The following FHIT variants were observed in gnomAD, a reference collection of about 807,000 sequenced individuals.
The protein encoded by FHIT is bis(5'-adenosyl)-triphosphatase.
A neutral mutation model predicts 17.9 loss-of-function variants in FHIT; 19 were observed. That is an observed-to-expected ratio of 1.06 (90% CI 0.74 to 1.56). The LOEUF is 1.56. Ranked by LOEUF, FHIT falls within the 40% of genes most tolerant of loss-of-function variation. FHIT has a pLI of 0.00. For synonymous variants in FHIT, 81 were observed against 69.7 expected, an observed-to-expected ratio of 1.16 and a Z score of -0.81; for missense variants, 248 against 189.2, an observed-to-expected ratio of 1.31 and a Z score of -1.82.
intron 5 of FHIT, among the ~76,000 whole-genome samples, chr3:60,123,575 T>C (rs115784186): frequency 0.031 from 4,653 of 152,232 alleles, 81 homozygotes; most frequent in Non-Finnish European, 0.041. Context: ...AAAATATCGT[T>C]GAAAGAGTAA....
intron 4 of FHIT, among the ~76,000 whole-genome samples, chr3:60,543,745 GTTGTT>G (rs912583026): frequency 7.3e-5 from 11 of 151,496 alleles, no homozygotes; most frequent in African/African-American, 2.4e-4. Flanking sequence ...CTTTTTTGTT[GTTGTT>G]TTGTTTTGTT....
chr3:61,209,769 A>C (rs1180075255), intron 1 of FHIT, among the ~76,000 whole-genome samples: 1 of 152,014 alleles, frequency 6.6e-6, no homozygotes, highest in African/African-American at 2.4e-5. Context: ...TTCCTCCTTT[A>C]GCTCGGAGTA....
At chr3:60,332,821 G>C (rs1183624146) in intron 5 of FHIT, among the ~76,000 whole-genome samples, 1 of 152,150 alleles carries the variant, frequency 6.6e-6, no homozygotes, top group East Asian at 1.9e-4. Flanking sequence ...CAGAAATCAA[G>C]TTAGGGACAT....
intron 5 of FHIT, among the ~76,000 whole-genome samples, chr3:60,123,987 T>TAGAGAGAGAGAGAG (rs1705388222): frequency 3.8e-5 from 2 of 52,244 alleles, no homozygotes; most frequent in Non-Finnish European, 7.3e-5. Flanking sequence ...TATATATATA[T>TAGAGAGAGAGAGAG]ATATATATAT....
In FHIT at chr3:60,581,699, A is replaced by G. The variant is rs554647445; in HGVS notation, c.-17-44720T>C. On this transcript the variant is annotated intron_variant, in intron 4 of 9. Transcript: ENST00000492590. Reference sequence around the variant, plus strand: ...TCTTTTATAAATTCATCCTATGTAAATGCATTTTTGACAGGTAAACTCAAA... The same window carrying G: ...TCTTTTATAAATTCATCCTATGTAAGTGCATTTTTGACAGGTAAACTCAAA... Among the ~76,000 whole-genome samples, 211 of 152,164 alleles carry G rather than the reference A, an allele frequency of 1.4e-3. 1 individual carries two copies. Among genetic ancestry groups the G allele is most frequent in the African/African-American group, 4.9e-3 (203 of 41,536 alleles).
intron 7 of FHIT, among the ~76,000 whole-genome samples, chr3:60,005,137 T>A (rs1222961634): frequency 6.6e-6 from 1 of 152,144 alleles, no homozygotes; most frequent in East Asian, 1.9e-4. Context: ...CTCACCCTCA[T>A]CCCTGCTTCA....
intron 3 of FHIT, among the ~76,000 whole-genome samples, chr3:60,892,283 G>T (rs1229446138): frequency 6.6e-6 from 1 of 152,008 alleles, no homozygotes; most frequent in Non-Finnish European, 1.5e-5. Context: ...AAGTAAGCAA[G>T]CCCATAGCCT....
intron 5 of FHIT, among the ~76,000 whole-genome samples, chr3:60,138,265 A>G (rs1368738666): frequency 6.6e-6 from 1 of 152,188 alleles, no homozygotes; most frequent in Non-Finnish European, 1.5e-5. Flanking sequence ...AAGCATCTGT[A>G]CACAACATGT....
At chr3:61,159,923 C>T (rs954550801) in intron 2 of FHIT, among the ~76,000 whole-genome samples, 28 of 152,242 alleles carry the variant, frequency 1.8e-4, no homozygotes, top group African/African-American at 6.7e-4. Context: ...CTGTGAGGAT[C>T]GGTACCTGAG....
chr3:60,156,585 T>C (rs1374197016), intron 5 of FHIT, among the ~76,000 whole-genome samples: 2 of 148,626 alleles, frequency 1.3e-5, no homozygotes, highest in Middle Eastern at 3.5e-3. Context: ...CTTGTCTCTA[T>C]AAAAATTTTT....
intron 7 of FHIT, among the ~76,000 whole-genome samples, chr3:59,951,309 T>C (rs989142069): frequency 1.1e-4 from 16 of 152,138 alleles, no homozygotes; most frequent in African/African-American, 3.6e-4. Context: ...CTTTATTGCC[T>C]CCACGACTTT....
Position 59,913,212 on chromosome 3 carries a change from G to T in FHIT, c.348+9134C>A, listed in dbSNP as rs1255325349. Among the ~76,000 whole-genome samples the T allele has an allele frequency of 5.3e-5, 8 of 151,914 alleles. No individual in the cohort carries two copies. The South Asian group carries it at 6.2e-4, about 12-fold the overall frequency. On this transcript the variant is annotated intron_variant, in intron 8 of 9. Coordinates refer to ENST00000492590, the MANE Select transcript of FHIT (RefSeq NM_002012.4). ...GTGTGTGTGTTGTGTGTCGTGTGTG[G>T]GTGTGTGTGTAAATGTCTCTAAGGT...
At chr3:60,914,106 G>C (rs1295503894) in intron 3 of FHIT, among the ~76,000 whole-genome samples, 2 of 152,206 alleles carry the variant, frequency 1.3e-5, no homozygotes, top group African/African-American at 2.4e-5. Flanking sequence ...AGCTACCACA[G>C]AGTATCTGTT....
chr3:59,757,033 T>A (rs1393722217), intron 8 of FHIT, among the ~76,000 whole-genome samples: 2 of 152,164 alleles, frequency 1.3e-5, no homozygotes, highest in Non-Finnish European at 2.9e-5. Context: ...GCACTATATT[T>A]CTCCATCTCT....
intron 5 of FHIT, among the ~76,000 whole-genome samples, chr3:60,390,909 G>C (rs1701204966): frequency 6.6e-6 from 1 of 152,186 alleles, no homozygotes; most frequent in African/African-American, 2.4e-5. Flanking sequence ...GCTGGGCACA[G>C]TGGCTCATGC....
At chr3:61,065,641 A>G (rs1357404739) in intron 2 of FHIT, among the ~76,000 whole-genome samples, 1 of 152,054 alleles carries the variant, frequency 6.6e-6, no homozygotes, top group East Asian at 1.9e-4. Context: ...ATCAGGGACA[A>G]CTTAATTTCA....
At chr3:60,997,885 C>T (rs1392587857) in intron 3 of FHIT, among the ~76,000 whole-genome samples, 1 of 151,964 alleles carries the variant, frequency 6.6e-6, no homozygotes, top group Non-Finnish European at 1.5e-5. Context: ...AAGCATTAGG[C>T]CAAGGAATAA....
intron 4 of FHIT, among the ~76,000 whole-genome samples, chr3:60,623,677 T>G (rs1553679620): frequency 6.6e-6 from 1 of 152,198 alleles, no homozygotes. Context: ...CACTAGCATG[T>G]CATATTGGTA....
In FHIT at chr3:60,136,726, T is replaced by G. The variant is rs1461660859; in HGVS notation, c.104-122574A>C. 2.6e-5 allele frequency among the ~76,000 whole-genome samples: 4 copies of G among 152,312 alleles called. No homozygotes were observed. The East Asian group carries it at 7.7e-4, about 29-fold the overall frequency. The stretch of plus-strand genomic sequence containing the variant: ...GCAGTTGTTAAGACCGCACATTGCA[T>G]CAGCCCACGAAATGAGTTGGGGGCT... On this transcript the variant is annotated intron_variant, in intron 5 of 9. Transcript: ENST00000492590.
Sources: gnomAD v4.1 joint callset for allele counts (sites outside exome capture counted in the v4.1 genomes callset) on GRCh38, gnomAD v4.1.1 for gene constraint, MANE v1.5 for transcripts, NCBI Gene and HGNC (gene_info 2026-07-23, HGNC 2026-07-21) for gene names.